PCCA: variants seen among roughly 807,000 people sequenced by gnomAD.
PCCA encodes propionyl-CoA carboxylase subunit alpha, also known as propionyl-CoA carboxylase alpha chain, mitochondrial.
Under a neutral mutation model 101.3 loss-of-function variants are expected in PCCA, and 74 were observed. The observed-to-expected ratio is 0.73, with a 90% CI of 0.61 to 0.89. The LOEUF (loss-of-function observed/expected upper bound fraction) is 0.89. Among genes scored for constraint, PCCA ranks in the 40% least tolerant of loss-of-function variants. The pLI, the probability that PCCA is intolerant of heterozygous loss-of-function variation, is 0.00. For missense variants in PCCA, 891 were observed against 907.0 expected (o/e 0.98, Z 0.23); for synonymous variants, 294 against 313.6 (o/e 0.94, Z 0.66).
At chr13:100,248,365 G>A (rs1042713160) in intron 8 of PCCA, among the ~76,000 whole-genome samples, 11 of 151,934 alleles carry the variant, frequency 7.2e-5, no homozygotes, top group Non-Finnish European at 1.6e-4. Flanking sequence ...CACTATGTTG[G>A]AAATTTTATA....
At chr13:100,217,722 G>A (rs905880222) in intron 7 of PCCA, among the ~76,000 whole-genome samples, 3 of 151,568 alleles carry the variant, frequency 2.0e-5, no homozygotes, top group African/African-American at 7.3e-5. Context: ...GGGCGTGGTG[G>A]CAGGCACCTG....
intron 12 of PCCA, among the ~76,000 whole-genome samples, chr13:100,280,466 C>T (rs1595090449): frequency 6.6e-6 from 1 of 151,956 alleles, no homozygotes; most frequent in Non-Finnish European, 1.5e-5. Context: ...TTGGAATGTT[C>T]TCTGTTCACC....
At chr13:100,429,244 C>CT (rs1361461947) in intron 20 of PCCA, among the ~76,000 whole-genome samples, 1 of 151,986 alleles carries the variant, frequency 6.6e-6, no homozygotes, top group African/African-American at 2.4e-5. Flanking sequence ...TCTCTCTCTG[C>CT]TTGCTTCCTG....
intron 21 of PCCA, among the ~76,000 whole-genome samples, chr13:100,464,276 G>A (rs1411560000): frequency 2.0e-5 from 3 of 152,226 alleles, no homozygotes; most frequent in South Asian, 4.1e-4. Flanking sequence ...CATTTGAATC[G>A]CAGATCACCT....
At chr13:100,104,792 C>T (rs1242862709) in intron 2 of PCCA, among the ~76,000 whole-genome samples, 1 of 152,120 alleles carries the variant, frequency 6.6e-6, no homozygotes, top group African/African-American at 2.4e-5. Context: ...CAACCTCCAC[C>T]TCCCAGGTTC....
intron 12 of PCCA, among the ~76,000 whole-genome samples, chr13:100,278,891 A>C (rs1191110210): frequency 6.6e-6 from 1 of 152,236 alleles, no homozygotes; most frequent in Non-Finnish European, 1.5e-5. Flanking sequence ...CCCTCAAAAA[A>C]TTATAAAAAT....
intron 21 of PCCA, among the ~76,000 whole-genome samples, chr13:100,487,899 T>TAA (rs71199602): frequency 0.22 from 32,767 of 149,080 alleles, 4,588 homozygotes; most frequent in East Asian, 0.54. Context: ...CTAATTAAAA[T>TAA]AAAAAAAAAA....
chr13:100,151,239 AC>A, intron 4 of PCCA: 1 of 590,102 alleles, frequency 1.7e-6, no homozygotes, highest in South Asian at 2.2e-5. Context: ...TTAGGCTCAT[AC>A]GGGTAATAGT....
chr13:100,333,203 A>T (rs557331404), intron 17 of PCCA, among the ~76,000 whole-genome samples: 1 of 152,220 alleles, frequency 6.6e-6, no homozygotes, highest in African/African-American at 2.4e-5. Context: ...TTTCCCCCTA[A>T]ATCAGGTCTT....
chr13:100,480,137 C>T (rs989044194), intron 21 of PCCA: 2 of 152,190 alleles, frequency 1.3e-5, no homozygotes, highest in African/African-American at 4.8e-5. Context: ...GACTTTTGAA[C>T]CAGACTAGAT....
intron 4 of PCCA, among the ~76,000 whole-genome samples, chr13:100,132,048 A>G (rs893730266): frequency 1.3e-4 from 20 of 152,190 alleles, no homozygotes; most frequent in Admixed American, 1.0e-3. Flanking sequence ...AGGGCAGAAT[A>G]GAGCTTGGTA....
At chr13:100,310,341 AT>A (rs1322855248) in intron 16 of PCCA, among the ~76,000 whole-genome samples, 1 of 152,192 alleles carries the variant, frequency 6.6e-6, no homozygotes. Flanking sequence ...ACATTAAAGT[AT>A]TTGTAAGCAC....
intron 16 of PCCA, among the ~76,000 whole-genome samples, chr13:100,316,864 C>CAATT (rs2067404088): frequency 1.3e-5 from 2 of 151,782 alleles, no homozygotes; most frequent in South Asian, 4.2e-4. Context: ...GCCTCTGCCT[C>CAATT]CCAGGTTCAA....
At chr13:100,243,210 A>G (rs1424034187) in intron 8 of PCCA, among the ~76,000 whole-genome samples, 1 of 152,212 alleles carries the variant, frequency 6.6e-6, no homozygotes, top group Non-Finnish European at 1.5e-5. Flanking sequence ...ACTATTTTGT[A>G]GTAAAATTGA....
At chr13:100,159,033 A>G (rs2054161006) in intron 6 of PCCA, among the ~76,000 whole-genome samples, 1 of 146,074 alleles carries the variant, frequency 6.8e-6, no homozygotes, top group Non-Finnish European at 1.5e-5. Context: ...TATATTATAT[A>G]TAATATTATA....
At chr13:100,300,032 G>C (rs2065935313) in intron 12 of PCCA, among the ~76,000 whole-genome samples, 1 of 152,240 alleles carries the variant, frequency 6.6e-6, no homozygotes, top group African/African-American at 2.4e-5. Context: ...CTCTTGAGTA[G>C]AGTGCTGAGA....
intron 2 of PCCA, among the ~76,000 whole-genome samples, chr13:100,106,138 GT>G (rs879267145): frequency 6.7e-6 from 1 of 149,898 alleles, no homozygotes; most frequent in Non-Finnish European, 1.5e-5. Flanking sequence ...GCAGAATATT[GT>G]TTTTTTTTGC....
At chr13:100,263,880 T>C (rs9557405) in intron 10 of PCCA, among the ~76,000 whole-genome samples, 3 of 150,254 alleles carry the variant, frequency 2.0e-5, no homozygotes, top group Admixed American at 6.6e-5. Flanking sequence ...CGTATATATA[T>C]GGTATCTGTA....
At chr13:100,163,466 G>C in intron 6 of PCCA, among the ~76,000 whole-genome samples, 1 of 152,140 alleles carries the variant, frequency 6.6e-6, no homozygotes, top group East Asian at 1.9e-4. Flanking sequence ...AAAATACTGT[G>C]TGTTTCTTGT....
Sources: gnomAD v4.1 joint callset for allele counts (sites outside exome capture counted in the v4.1 genomes callset) on GRCh38, gnomAD v4.1.1 for gene constraint, MANE v1.5 for transcripts, NCBI Gene and HGNC (gene_info 2026-07-23, HGNC 2026-07-21) for gene names.